PAPPA2: variants seen among roughly 807,000 people sequenced by gnomAD.
The protein encoded by PAPPA2 is pappalysin-2.
PAPPA2 carries 86 observed loss-of-function variants against 176.4 expected under a neutral mutation model. That is an observed-to-expected ratio of 0.49 (90% confidence interval 0.41 to 0.58). The LOEUF is 0.58. Among genes scored for constraint, PAPPA2 ranks in the 20% least tolerant of loss-of-function variants. The pLI, the probability that PAPPA2 is intolerant of heterozygous loss-of-function variation, is 0.00. For missense variants in PAPPA2, 2,073 were observed against 2,256.9 expected, an observed-to-expected ratio of 0.92 and a Z score of 1.65; for synonymous variants, 809 against 852.2, an observed-to-expected ratio of 0.95 and a Z score of 0.88.
chr1:176,774,514 A>T (rs1664367181), intron 17 of PAPPA2, among the ~76,000 whole-genome samples: 1 of 152,114 alleles, frequency 6.6e-6, no homozygotes, highest in African/African-American at 2.4e-5. Flanking sequence ...ACCTTCTCTC[A>T]AATCAGTTAT....
chr1:176,771,085 C>T lies in PAPPA2; in HGVS notation c.4620C>T (p.His1540=), dbSNP rs748102419. The T allele has an allele frequency of 1.2e-5, 20 of 1,614,036 alleles. No individual in the cohort carries two copies. Among genetic ancestry groups the T allele is most frequent in the Non-Finnish European group, 1.7e-5 (20 of 1,180,028 alleles). The change falls in exon 17 of 23, where the codon CAC becomes CAT. Residue 1540 remains histidine, a synonymous_variant. Transcript: ENST00000367662. ...TGAATGCCAACTTGCTCCTGCCTCA[C>T]TGCCTCCAGGACAACCACGACGTGG... The part of the protein sequence containing the change: ...IILNANLLLP[H]CLQDNHDVGT...
chr1:176,532,545 G>C (rs182186558), intron 1 of PAPPA2, among the ~76,000 whole-genome samples: 2 of 152,268 alleles, frequency 1.3e-5, no homozygotes, highest in Non-Finnish European at 2.9e-5. Flanking sequence ...TTCTCCTTCT[G>C]GCCGTGGGTA....
chr1:176,674,246 C>A (rs1301486660), intron 4 of PAPPA2, among the ~76,000 whole-genome samples: 1 of 151,994 alleles, frequency 6.6e-6, no homozygotes, highest in Non-Finnish European at 1.5e-5. Context: ...AGCCTAAAAT[C>A]CAGCCTGAAA....
chr1:176,778,925 T>G (rs1664580929), intron 17 of PAPPA2, among the ~76,000 whole-genome samples: 1 of 152,280 alleles, frequency 6.6e-6, no homozygotes, highest in Admixed American at 6.5e-5. Flanking sequence ...CCCTTTTGGC[T>G]TCACAGTGAT....
At chr1:176,567,936 G>A (rs1395533907) in intron 2 of PAPPA2, among the ~76,000 whole-genome samples, 1 of 152,196 alleles carries the variant, frequency 6.6e-6, no homozygotes, top group African/African-American at 2.4e-5. Context: ...TAGGTGCATT[G>A]GATTTAGCAG....
intron 12 of PAPPA2, among the ~76,000 whole-genome samples, chr1:176,715,973 TATATTA>T (rs1335667818): frequency 6.6e-6 from 1 of 150,846 alleles, no homozygotes; most frequent in East Asian, 1.9e-4. Context: ...ATGCTATACA[TATATTA>T]ATATTAATAT....
chr1:176,466,247 A>G (rs1651614272), intron 1 of PAPPA2, among the ~76,000 whole-genome samples: 1 of 152,212 alleles, frequency 6.6e-6, no homozygotes. Flanking sequence ...AAATTGCTGC[A>G]AAGGCCAAAT....
At chr1:176,659,143 A>G (rs1268574778) in intron 3 of PAPPA2, among the ~76,000 whole-genome samples, 1 of 152,002 alleles carries the variant, frequency 6.6e-6, no homozygotes, top group Non-Finnish European at 1.5e-5. Context: ...GAGATATATG[A>G]CCTGTTGATT....
intron 3 of PAPPA2, among the ~76,000 whole-genome samples, chr1:176,604,051 A>T (rs149350220): frequency 2.7e-4 from 41 of 152,216 alleles, no homozygotes; most frequent in Admixed American, 4.6e-4. Context: ...GACTTGCCAG[A>T]TGTACTCCTA....
At chr1:176,718,550 T>C (rs1236230896) in intron 12 of PAPPA2, among the ~76,000 whole-genome samples, 1 of 152,078 alleles carries the variant, frequency 6.6e-6, no homozygotes, top group Non-Finnish European at 1.5e-5. Flanking sequence ...AACATGACTT[T>C]AGCTACATTT....
At chr1:176,799,058 T>C (rs148345155) in intron 20 of PAPPA2, among the ~76,000 whole-genome samples, 107 of 152,310 alleles carry the variant, frequency 7.0e-4, no homozygotes, top group African/African-American at 2.6e-3. Context: ...GTAGGTGCTA[T>C]CTCGTGTAAA....
At position 176,739,755 on chromosome 1, in the gene PAPPA2, T is replaced by C. The variant is rs1421340580; in HGVS notation, c.3928T>C (p.Ser1310Pro). The change falls in exon 13 of 23, where the codon TCT (serine) becomes CCT (proline). Residue 1310 changes from serine (S) to proline (P), a missense_variant. This residue lies in a region of PAPPA2 where 846 missense variants were observed against 857.9 expected (regional missense o/e 0.99). Coordinates refer to ENST00000367662, the MANE Select transcript of PAPPA2 (RefSeq NM_020318.3). ...YLTDVRGSNH[S>P]LGTYGLSCQH... ...GACCGATGTCCGTGGAAGCAACCAC[T>C]CTCTTGGTGAGTCTGACAAATATCC... The C allele has an allele frequency of 1.9e-6, 3 of 1,613,500 alleles. No individual in the cohort carries two copies. The highest frequency in any genetic ancestry group is 1.7e-6 in the Non-Finnish European group (2 of 1,179,728).
At chr1:176,726,001 C>CGAT (rs1661851701) in intron 12 of PAPPA2, among the ~76,000 whole-genome samples, 1 of 152,142 alleles carries the variant, frequency 6.6e-6, no homozygotes, top group Non-Finnish European at 1.5e-5. Flanking sequence ...AGGATGGTCT[C>CGAT]GATTTCCTGA....
intron 3 of PAPPA2, among the ~76,000 whole-genome samples, chr1:176,622,141 T>A (rs914110682): frequency 3.9e-5 from 6 of 152,152 alleles, no homozygotes; most frequent in African/African-American, 1.4e-4. Flanking sequence ...ATAGTGCTTC[T>A]GAGACACTGG....
intron 21 of PAPPA2, among the ~76,000 whole-genome samples, chr1:176,816,316 G>T: frequency 6.9e-6 from 1 of 145,430 alleles, no homozygotes; most frequent in Admixed American, 6.9e-5. Context: ...TTTTGATTTA[G>T]AACTTTATCT....
rs139149649 is a variant in PAPPA2 at position 176,632,954 on chromosome 1, G to A, written c.1991+37359G>A. Among the ~76,000 whole-genome samples the A allele has an allele frequency of 4.5e-3, 689 of 152,286 alleles. 3 individuals carry two copies. The highest frequency in any genetic ancestry group is 6.4e-3 in the Non-Finnish European group (434 of 68,024). On this transcript the variant is annotated intron_variant, in intron 3 of 22. Transcript: ENST00000367662. Reference sequence around the variant, plus strand: ...AGATGAAGATGAACAACAGGAAGAAGAGGAGGGGAAGGAGAGGAAGGAGGA... The same window carrying A: ...AGATGAAGATGAACAACAGGAAGAAAAGGAGGGGAAGGAGAGGAAGGAGGA...
At chr1:176,581,914 CTTTCTTTCTTT>C (rs1652994965) in intron 2 of PAPPA2, among the ~76,000 whole-genome samples, 1 of 117,370 alleles carries the variant, frequency 8.5e-6, no homozygotes, top group African/African-American at 3.5e-5. Context: ...TTCTTTCTTT[CTTTCTTTCTTT>C]TTTTTTTTTT....
chr1:176,710,290 G>A, intron 11 of PAPPA2, 114 bp downstream of exon 11: 1 of 935,538 alleles, frequency 1.1e-6, no homozygotes, highest in East Asian at 2.5e-5. Flanking sequence ...TAAGGAGTTA[G>A]AAGCCCTAGG....
At chr1:176,722,991 T>C (rs1377807965) in intron 12 of PAPPA2, among the ~76,000 whole-genome samples, 1 of 152,214 alleles carries the variant, frequency 6.6e-6, no homozygotes, top group African/African-American at 2.4e-5. Context: ...ATAAGTTTGT[T>C]TGGCTCATAG....
Sources: gnomAD v4.1 joint callset for allele counts (sites outside exome capture counted in the v4.1 genomes callset) on GRCh38, gnomAD v4.1.1 for gene constraint, gnomAD v4.1.1 regional missense constraint, MANE v1.5 for transcripts, NCBI Gene and HGNC (gene_info 2026-07-23, HGNC 2026-07-21) for gene names.